Variants in SEMA6C observed in about 807,000 individuals in gnomAD.
The protein encoded by SEMA6C is semaphorin-6C.
SEMA6C carries 37 observed loss-of-function variants against 72.9 expected under a neutral mutation model. That is an observed-to-expected ratio of 0.51 (90% confidence interval 0.39 to 0.67). The LOEUF is 0.67. Among genes scored for constraint, SEMA6C ranks in the 30% least tolerant of loss-of-function variants. The pLI is 0.00. For missense variants in SEMA6C, 1,189 were observed against 1,263.6 expected, an observed-to-expected ratio of 0.94 and a Z score of 0.89; for synonymous variants, 578 against 554.1, an observed-to-expected ratio of 1.04 and a Z score of -0.61.
intron 1 of SEMA6C, 132 bp from the exon 2 acceptor site, chr1:151,144,566 G>C (rs1316230575): frequency 6.6e-6 from 1 of 152,518 alleles, no homozygotes; most frequent in East Asian, 1.9e-4. Flanking sequence ...CTTGAAAATG[G>C]GAGGGGGCTG....
chr1:151,133,373 C>T lies in SEMA6C; in HGVS notation c.1904G>A (p.Arg635His), dbSNP rs779473933. 7.5e-6 allele frequency: 12 copies of T among 1,600,424 alleles called. No homozygotes were observed. The Admixed American group carries it at 1.7e-4, about 22-fold the overall frequency. Reference protein sequence around the residue: ...VSCACRRAHRRRGKDIETPGL... With the variant: ...VSCACRRAHRHRGKDIETPGL... ...CGGAGTCTCGATGTCCTTGCCCCGACGTCGGTGGGCGCGGCGACAAGCACA... is the reference window on the plus strand; with the variant it reads ...CGGAGTCTCGATGTCCTTGCCCCGATGTCGGTGGGCGCGGCGACAAGCACA... Residue 635 changes from arginine (R) to histidine (H), a missense_variant, in exon 19 of 19, where the codon CGT becomes CAT. Arg to His is a conservative substitution (Grantham distance 29, BLOSUM62 0). Coordinates refer to ENST00000368914, the MANE Select transcript of SEMA6C (RefSeq NM_030913.6). The surrounding 1 kb of genome is among the most constrained non-coding windows in gnomAD (Gnocchi z 5.9).
At position 151,134,698 on chromosome 1, in the gene SEMA6C, A is replaced by G. The variant is rs372552856; in HGVS notation, c.1659-23T>C. On this transcript the variant is annotated intron_variant, in intron 16 of 18. Coordinates refer to ENST00000368914, the MANE Select transcript of SEMA6C (RefSeq NM_030913.6). ...GTCCTAGGAGGAAAACGAAGTGGCT[A>G]TAGAATTCTGTACGTTGTCCGTATC... 115 of 1,613,822 alleles carry G rather than the reference A, an allele frequency of 7.1e-5. No homozygotes were observed. The African/African-American group carries it at 1.3e-3, about 18-fold the overall frequency.
intron 17 of SEMA6C, 26 bp from the exon 18 acceptor site, chr1:151,134,471 TGGG>T (rs755360865): frequency 6.2e-7 from 1 of 1,608,520 alleles, no homozygotes; most frequent in African/African-American, 1.3e-5. Flanking sequence ...AGGGTGAAGA[TGGG>T]GGGAAAGAGA....
At chr1:151,140,959 C>G (rs1481403037) in intron 3 of SEMA6C, among the ~76,000 whole-genome samples, 1 of 151,202 alleles carries the variant, frequency 6.6e-6, no homozygotes, top group Admixed American at 6.6e-5. Context: ...GATCACGCCA[C>G]TGCACTCTAG....
chr1:151,140,926 A>G (rs1224628665), intron 3 of SEMA6C, among the ~76,000 whole-genome samples: 3 of 151,640 alleles, frequency 2.0e-5, no homozygotes, highest in Admixed American at 6.6e-5. Flanking sequence ...TGAACCCAGG[A>G]GGCGGAGCTT....
Position 151,132,316 on chromosome 1 carries a change from A to C in SEMA6C, c.*168T>G. The C allele has an allele frequency of 1.3e-6, 2 of 1,534,940 alleles. No individual in the cohort carries two copies. Among genetic ancestry groups the C allele is most frequent in the Non-Finnish European group, 8.7e-7 (1 of 1,142,994 alleles). ...ACTCTTCTGTCGAGGACAGGGGGAA[A>C]GACAGTCAATAAATAAACCCGAGGC... On this transcript the variant is annotated 3_prime_UTR_variant, in exon 19 of 19. Coordinates refer to ENST00000368914, the MANE Select transcript of SEMA6C (RefSeq NM_030913.6).
chr1:151,136,398 G>C, intron 12 of SEMA6C, 50 bp downstream of exon 12: 2 of 1,595,598 alleles, frequency 1.3e-6, no homozygotes, highest in Non-Finnish European at 1.7e-6. Flanking sequence ...CATCTTGGGG[G>C]CAGACGCTGC....
rs758493140 is a variant in SEMA6C, at chr1:151,133,292, G to A, written c.1985C>T (p.Pro662Leu). The change falls in exon 19 of 19, where the codon CCA becomes CTA. Residue 662 changes from proline to leucine, a missense_variant. By Grantham distance (98) the Pro-to-Leu change is moderately conservative (BLOSUM62 -3). Around this residue, in one of 2 missense-constraint regions of SEMA6C, gnomAD observed 721 missense variants for 686.2 expected, o/e 1.05. Transcript: ENST00000368914. The surrounding 1 kb of genome is among the most constrained non-coding windows in gnomAD (Gnocchi z 5.9). Reference protein sequence around the residue: ...RSLARLHGGGPEPPPPSKDGD... With the variant: ...RSLARLHGGGLEPPPPSKDGD... ...GTCCTTGGAGGGCGGCGGGGGCTCT[G>A]GGCCCCCACCGTGGAGCCGGGCCAA... The A allele has an allele frequency of 3.8e-6, 6 of 1,578,626 alleles. No individual in the cohort carries two copies. The highest frequency in any genetic ancestry group is 1.8e-5 in the Admixed American group (1 of 56,362).
chr1:151,134,900 G>A (rs1681891023), intron 15 of SEMA6C, 25 bp from the exon 16 acceptor site: 1 of 1,599,460 alleles, frequency 6.3e-7, no homozygotes. Flanking sequence ...GGTGTGTGAG[G>A]CTGGATCCCT....
intron 18 of SEMA6C, chr1:151,134,027 C>T (rs1372341467): frequency 3.3e-6 from 5 of 1,534,392 alleles, no homozygotes; most frequent in South Asian, 1.2e-5. Context: ...GACTGGGGGT[C>T]CCAGGGGAAG....
rs587740314 is a variant in SEMA6C at position 151,132,642 on chromosome 1, G to A, written c.2635C>T (p.Pro879Ser). 7 of 1,550,462 alleles carry A rather than the reference G, an allele frequency of 4.5e-6. No individual in the cohort carries two copies. The highest frequency in any genetic ancestry group is 4.9e-5 in the East Asian group (2 of 40,888). The change falls in exon 19 of 19, where the codon CCC (proline) becomes TCC (serine). Residue 879 changes from proline (P) to serine (S), a missense_variant. Pro to Ser is a moderately conservative substitution (Grantham distance 74). Around this residue, in one of 2 missense-constraint regions of SEMA6C, gnomAD observed 721 missense variants for 686.2 expected, o/e 1.05. Coordinates refer to ENST00000368914, the MANE Select transcript of SEMA6C (RefSeq NM_030913.6). Reference sequence around the variant, plus strand: ...CCCAGGTACAGGAGGTGCTTCCCGGGACCCCCGGAGTACCTGGAGGGACCT... The same window carrying A: ...CCCAGGTACAGGAGGTGCTTCCCGGAACCCCCGGAGTACCTGGAGGGACCT... ...SGGPSRYSGGPGKHLLYLGRP... is the reference protein window; with the variant it reads ...SGGPSRYSGGSGKHLLYLGRP...
Position 151,136,791 on chromosome 1 carries a change from A to C in SEMA6C, c.974+66T>G, listed in dbSNP as rs1682053579. On this transcript the variant is annotated intron_variant, in intron 11 of 18. Transcript: ENST00000368914. ...TAACTGCCCCATCAGTAGGCTGTGA[A>C]AGGGGAGTTTGGAGGCTGGTGAGGC... is the stretch of plus-strand genomic sequence containing the variant. 2.0e-6 allele frequency: 3 copies of C among 1,479,884 alleles called. No individual in the cohort carries two copies. In the African/African-American group the frequency reaches 4.2e-5, roughly 21 times the overall value. The allele number at this position is 1,479,884 out of a possible 1,614,324, so 91.7% of individuals were successfully genotyped here.
chr1:151,144,275 G>A (rs917692389), intron 2 of SEMA6C, 110 bp downstream of exon 2: 60 of 152,650 alleles, frequency 3.9e-4, no homozygotes, highest in African/African-American at 1.0e-3. Context: ...CTTCACCCTG[G>A]AAACAACTTT....
At chr1:151,136,688 G>A (rs1485212122) in intron 11 of SEMA6C, 109 bp from the exon 12 acceptor site, 6 of 1,458,888 alleles carry the variant, frequency 4.1e-6, no homozygotes, top group Admixed American at 3.9e-5. Context: ...AGAGACTGAG[G>A]AGGTGGGGCA....
Position 151,146,110 on chromosome 1 carries a change from G to C in SEMA6C, c.-105+323C>G, listed in dbSNP as rs1682914099. On this transcript the variant is annotated intron_variant, in intron 1 of 18. Transcript: ENST00000368914. This position sits in a 1 kb window ranked among gnomAD's most constrained non-coding sequence, Gnocchi z 4.6. ...CTAGTTTCCTTGCTGGGAAAGCAAG[G>C]GGCCAGGTTTTCCACGCTCTCTACG... 6.6e-6 allele frequency: 1 copy of C among 152,172 alleles called. No homozygotes were observed. 9.4% of individuals were successfully genotyped at this position (152,172 alleles called of 1,614,324 possible).
Position 151,133,359 on chromosome 1 carries a change from T to C in SEMA6C, c.1918A>G (p.Ile640Val), listed in dbSNP as rs1333073932. Residue 640 changes from isoleucine (I) to valine (V), a missense_variant, in exon 19 of 19, where the codon ATC becomes GTC. Coordinates refer to ENST00000368914, the MANE Select transcript of SEMA6C (RefSeq NM_030913.6). This position sits in a 1 kb window ranked among gnomAD's most constrained non-coding sequence, Gnocchi z 5.9. ...RRAHRRRGKD[I>V]ETPGLPRPLS... The stretch of plus-strand genomic sequence containing the variant: ...GGGCGCGGGAGCCCCGGAGTCTCGA[T>C]GTCCTTGCCCCGACGTCGGTGGGCG... 2 of 1,600,326 alleles carry C rather than the reference T, an allele frequency of 1.2e-6. No homozygotes were observed. Among genetic ancestry groups the C allele is most frequent in the Non-Finnish European group, 1.7e-6 (2 of 1,175,754 alleles).
At chr1:151,138,185 A>C (rs587772752) in intron 8 of SEMA6C, 80 bp from the exon 9 acceptor site, 1 of 1,591,000 alleles carries the variant, frequency 6.3e-7, no homozygotes, top group East Asian at 2.2e-5. Flanking sequence ...CTGCACCCCT[A>C]CCTAGGCCTG....
chr1:151,143,683 T>G (rs587697846), intron 2 of SEMA6C, among the ~76,000 whole-genome samples: 64 of 152,256 alleles, frequency 4.2e-4, no homozygotes, highest in African/African-American at 1.3e-3. Context: ...CAGGTCTCCT[T>G]CCACCATCAG....
In SEMA6C at chr1:151,132,429, T is replaced by C. The variant is rs1558174157; in HGVS notation, c.*55A>G. 1 of 1,526,314 alleles carries C rather than the reference T, an allele frequency of 6.6e-7. No homozygotes were observed. Among genetic ancestry groups the C allele is most frequent in the Non-Finnish European group, 8.8e-7 (1 of 1,134,100 alleles). 94.5% of individuals were successfully genotyped at this position (1,526,314 alleles called of 1,614,324 possible). A position where few individuals can be genotyped will look rare whatever the true frequency, so the allele number is the denominator to read the frequency against. On this transcript the variant is annotated 3_prime_UTR_variant, in exon 19 of 19. Coordinates refer to ENST00000368914, the MANE Select transcript of SEMA6C (RefSeq NM_030913.6). ...TGAAACGTCCTGAAGAGCGTCCAGC[T>C]CGTGGCCGAGAGGACTCGGGCGCTC...
Sources: allele counts gnomAD v4.1 joint callset (sites outside exome capture counted in the v4.1 genomes callset), GRCh38; gene constraint gnomAD v4.1.1; regional missense constraint gnomAD v4.1.1; non-coding constraint Gnocchi (gnomAD v3.1); transcripts MANE v1.5; gene names NCBI Gene and HGNC (gene_info 2026-07-23, HGNC 2026-07-21).